Variants in BBOX1 observed in about 807,000 individuals in gnomAD.
BBOX1 encodes the protein gamma-butyrobetaine hydroxylase 1.
BBOX1 carries 35 observed loss-of-function variants against 41.6 expected under a neutral mutation model. The ratio of observed to expected loss-of-function variants is 0.84; its 90% CI spans 0.64 to 1.11. BBOX1 has a LOEUF of 1.11. Among genes scored for constraint, BBOX1 ranks in the 50% most tolerant of loss-of-function variants. BBOX1 has a pLI of 0.00. For synonymous variants in BBOX1, 163 were observed against 154.7 expected (o/e 1.05, Z -0.40); for missense variants, 458 against 460.6 (o/e 0.99, Z 0.05).
At chr11:27,055,965 G>A (rs1296465371) in intron 3 of BBOX1, among the ~76,000 whole-genome samples, 1 of 152,060 alleles carries the variant, frequency 6.6e-6, no homozygotes, top group Non-Finnish European at 1.5e-5. Context: ...ACAAACCAGA[G>A]GCAGCCACCA....
At chr11:27,044,811 C>A (rs1564949001) in intron 2 of BBOX1, among the ~76,000 whole-genome samples, 3 of 152,142 alleles carry the variant, frequency 2.0e-5, no homozygotes, top group African/African-American at 7.2e-5. Context: ...GCACCAGTAC[C>A]ATGCTGTTTT....
chr11:27,055,877 T>C (rs1192822405), intron 3 of BBOX1, among the ~76,000 whole-genome samples: 3 of 152,214 alleles, frequency 2.0e-5, no homozygotes, highest in African/African-American at 4.8e-5. Context: ...TTTGCAGTGT[T>C]ACTTGTCTTT....
At chr11:27,118,475 G>T (rs1386161296) in intron 6 of BBOX1, among the ~76,000 whole-genome samples, 1 of 151,902 alleles carries the variant, frequency 6.6e-6, no homozygotes, top group East Asian at 1.9e-4. Context: ...CAGTTTGATC[G>T]ATTTGGATTA....
chr11:27,047,922 C>T (rs1272770825), intron 2 of BBOX1, among the ~76,000 whole-genome samples: 2 of 152,070 alleles, frequency 1.3e-5, no homozygotes. Flanking sequence ...TCTTACCGTC[C>T]ATACAATTAA....
intron 4 of BBOX1, among the ~76,000 whole-genome samples, chr11:27,073,904 G>A (rs1161396206): frequency 6.6e-6 from 1 of 151,946 alleles, no homozygotes; most frequent in Non-Finnish European, 1.5e-5. Context: ...CACACACTGG[G>A]GCCTGTTGTG....
intron 2 of BBOX1, among the ~76,000 whole-genome samples, chr11:27,050,511 C>T (rs972360102): frequency 1.3e-5 from 2 of 152,040 alleles, no homozygotes; most frequent in East Asian, 3.8e-4. Context: ...TTATTTGTGT[C>T]TCATTTAATT....
At chr11:27,101,134 T>C (rs1250728910) in intron 5 of BBOX1, among the ~76,000 whole-genome samples, 2 of 152,146 alleles carry the variant, frequency 1.3e-5, no homozygotes, top group African/African-American at 2.4e-5. Context: ...ACCATGCTAC[T>C]ATGGTGGTTC....
intron 3 of BBOX1, 92 bp downstream of exon 3, chr11:27,055,741 A>G: frequency 8.0e-7 from 1 of 1,250,112 alleles, no homozygotes. Flanking sequence ...TTATTTGGTC[A>G]CGCATATATA....
chr11:27,081,537 G>A (rs934562706), intron 4 of BBOX1, among the ~76,000 whole-genome samples: 2 of 152,148 alleles, frequency 1.3e-5, no homozygotes, highest in Admixed American at 1.3e-4. Flanking sequence ...TGTCTTTATA[G>A]TAGAGTGATT....
At chr11:27,093,621 A>G (rs1858328949) in intron 5 of BBOX1, among the ~76,000 whole-genome samples, 1 of 151,998 alleles carries the variant, frequency 6.6e-6, no homozygotes, top group South Asian at 2.1e-4. Context: ...TTGGGCTGCC[A>G]TAACGAAATA....
intron 5 of BBOX1, among the ~76,000 whole-genome samples, chr11:27,110,128 C>T (rs1047042015): frequency 6.6e-6 from 1 of 151,832 alleles, no homozygotes; most frequent in African/African-American, 2.4e-5. Context: ...GATAACTCTA[C>T]CTTTCAAGTT....
chr11:27,103,581 A>T (rs369683970), intron 5 of BBOX1, among the ~76,000 whole-genome samples: 5 of 151,138 alleles, frequency 3.3e-5, no homozygotes, highest in African/African-American at 4.9e-5. Flanking sequence ...GAGTTTTTAA[A>T]TTTTTTTCTT....
At position 27,127,339 on chromosome 11, in the gene BBOX1, T is replaced by C; in HGVS notation, c.1050T>C (p.Arg350=). 1 of 1,614,158 alleles carries C rather than the reference T, an allele frequency of 6.2e-7. No homozygotes were observed. The highest frequency in any genetic ancestry group is 8.5e-7 in the Non-Finnish European group (1 of 1,180,008). The change falls in exon 9 of 9, where the codon CGT becomes CGC. Residue 350 remains arginine, a synonymous_variant. Coordinates refer to ENST00000263182, the MANE Select transcript of BBOX1 (RefSeq NM_003986.3). ...ACTGGCGCTTACTTCATGGCCGACG[T>C]AGCTATGAAGCAGGAACTGAGATAT... ...FDNWRLLHGR[R]SYEAGTEISR... is the part of the protein sequence containing the mutation.
chr11:27,054,197 G>C (rs976952297), intron 2 of BBOX1, among the ~76,000 whole-genome samples: 9 of 104,310 alleles, frequency 8.6e-5, no homozygotes, highest in Admixed American at 3.5e-4. Flanking sequence ...AGCTGTGTGT[G>C]TGTGTGTCTG....
chr11:27,057,315 G>C lies in BBOX1; in HGVS notation c.334G>C (p.Glu112Gln). 1 of 1,605,480 alleles carries C rather than the reference G, an allele frequency of 6.2e-7. No homozygotes were observed. The highest frequency in any genetic ancestry group is 8.5e-7 in the Non-Finnish European group (1 of 1,175,482). ...AKLQRELFFP[E>Q]CQYWGSELQL... ...GCTCCAAAGAGAATTGTTTTTTCCA[G>C]GTAACTTTGCCAAAGTCTTCAATGT... Residue 112 changes from glutamate (E) to glutamine (Q), a missense_variant and splice_region_variant, in exon 4 of 9, where the codon GAA becomes CAA. Transcript: ENST00000263182.
At position 27,068,470 on chromosome 11, in the gene BBOX1, TC is replaced by T. The variant is rs372067932; in HGVS notation, c.334+11157del. ...GTTCCTTGTAGATTCTGGATATTAG[TC>T]CTTTGTTGGGATGGATAGTTTGCAA... On this transcript the variant is annotated intron_variant, in intron 4 of 8. Transcript: ENST00000263182. 4.4e-3 allele frequency among the ~76,000 whole-genome samples: 667 copies of T among 152,218 alleles called. 5 individuals are homozygous for T. Among genetic ancestry groups the T allele is most frequent in the African/African-American group, 0.015 (643 of 41,562 alleles).
At chr11:27,071,073 C>A (rs1318750335) in intron 4 of BBOX1, among the ~76,000 whole-genome samples, 1 of 152,032 alleles carries the variant, frequency 6.6e-6, no homozygotes, top group African/African-American at 2.4e-5. Context: ...GACAATTATT[C>A]TCTTTAAAGA....
At chr11:27,105,405 G>A (rs150066143) in intron 5 of BBOX1, among the ~76,000 whole-genome samples, 1 of 152,174 alleles carries the variant, frequency 6.6e-6, no homozygotes, top group African/African-American at 2.4e-5. Flanking sequence ...TAAATGACCT[G>A]ATGGAGCTGA....
chr11:27,064,738 A>C (rs1857229967), intron 4 of BBOX1, among the ~76,000 whole-genome samples: 1 of 152,070 alleles, frequency 6.6e-6, no homozygotes, highest in Admixed American at 6.5e-5. Flanking sequence ...CTGGGAAAGG[A>C]GTGGCAGCGA....
Sources: allele counts gnomAD v4.1 joint callset (sites outside exome capture counted in the v4.1 genomes callset), GRCh38; gene constraint gnomAD v4.1.1; transcripts MANE v1.5; gene names NCBI Gene and HGNC (gene_info 2026-07-23, HGNC 2026-07-21).